Variants in XXYLT1 observed in about 807,000 individuals in gnomAD.
XXYLT1 encodes xyloside xylosyltransferase 1, also known as UDP-xylose:alpha-xyloside alpha-1,3-xylosyltransferase.
In XXYLT1, 20 loss-of-function variants were observed where a neutral mutation model predicts 28.9. The ratio of observed to expected loss-of-function variants is 0.69; its 90% CI spans 0.49 to 1.00. XXYLT1 has a LOEUF of 1.00. Among genes scored for constraint, XXYLT1 ranks in the 50% least tolerant of loss-of-function variants. XXYLT1 has a pLI of 0.00. For synonymous variants in XXYLT1, 257 were observed against 253.8 expected (o/e 1.01, Z -0.12); for missense variants, 542 against 560.1 (o/e 0.97, Z 0.33).
chr3:195,225,957 CCT>C (rs757383651), intron 2 of XXYLT1, among the ~76,000 whole-genome samples: 6 of 152,190 alleles, frequency 3.9e-5, no homozygotes, highest in Non-Finnish European at 8.8e-5. Context: ...GTCTATTAAA[CCT>C]CTTTCCTTTA....
intron 2 of XXYLT1, among the ~76,000 whole-genome samples, chr3:195,204,216 G>A (rs1381184875): frequency 1.3e-5 from 2 of 151,888 alleles, no homozygotes; most frequent in Non-Finnish European, 2.9e-5. Flanking sequence ...GGTGGCAGAC[G>A]CCTGTAGTCC....
chr3:195,235,986 T>C (rs1489734150), intron 1 of XXYLT1, among the ~76,000 whole-genome samples: 1 of 151,732 alleles, frequency 6.6e-6, no homozygotes, highest in Non-Finnish European at 1.5e-5. Flanking sequence ...TGCCTGGAGA[T>C]TGGGGAGGGG....
At chr3:195,110,254 A>G (rs1263946260) in intron 3 of XXYLT1, among the ~76,000 whole-genome samples, 10 of 1,828 alleles carry the variant, frequency 5.5e-3, no homozygotes, top group East Asian at 0.011. Flanking sequence ...GTGTGGGTGA[A>G]GTGTGTGTGG....
intron 1 of XXYLT1, among the ~76,000 whole-genome samples, chr3:195,258,957 G>C (rs1725578812): frequency 6.6e-6 from 1 of 152,264 alleles, no homozygotes; most frequent in African/African-American, 2.4e-5. Context: ...TCAGCATGGT[G>C]AATAAACAGG....
chr3:195,101,831 G>C (rs1338874896), intron 3 of XXYLT1, among the ~76,000 whole-genome samples: 1 of 149,112 alleles, frequency 6.7e-6, no homozygotes, highest in Admixed American at 6.7e-5. Flanking sequence ...AGGGAGGGGA[G>C]GGGAGGAGAG....
At chr3:195,246,942 A>G (rs541938444) in intron 1 of XXYLT1, among the ~76,000 whole-genome samples, 1 of 152,324 alleles carries the variant, frequency 6.6e-6, no homozygotes, top group Admixed American at 6.5e-5. Context: ...CTCCACAGAG[A>G]AACATTACAA....
intron 3 of XXYLT1, among the ~76,000 whole-genome samples, chr3:195,108,925 T>C (rs1717300348): frequency 6.6e-6 from 1 of 152,218 alleles, no homozygotes; most frequent in African/African-American, 2.4e-5. Context: ...ACACAGTGGC[T>C]AGAAATAATA....
At position 195,213,951 on chromosome 3, in the gene XXYLT1, A is replaced by C. The variant is rs1382473610; in HGVS notation, c.652+12758T>G. On this transcript the variant is annotated intron_variant, in intron 2 of 3. Transcript: ENST00000310380. ...AGGGGTTTAGGCAATACCAGATGTG[A>C]TTTTGGTTTCTGAAAGCAAAACATT... 2.0e-5 allele frequency among the ~76,000 whole-genome samples: 3 copies of C among 152,162 alleles called. No individual in the cohort carries two copies. The East Asian group carries it at 5.8e-4, about 29-fold the overall frequency.
intron 1 of XXYLT1, among the ~76,000 whole-genome samples, chr3:195,247,116 G>A (rs775092338): frequency 7.2e-5 from 11 of 152,286 alleles, no homozygotes; most frequent in African/African-American, 2.6e-4. Context: ...TTTCCGGACA[G>A]TAGAAGCCGT....
In XXYLT1 at chr3:195,076,088, C is replaced by G. The variant is rs571571018; in HGVS notation, c.786-5977G>C. On this transcript the variant is annotated intron_variant, in intron 3 of 3. Coordinates refer to ENST00000310380, the MANE Select transcript of XXYLT1 (RefSeq NM_152531.5). The surrounding 1 kb of genome is among the most constrained non-coding windows in gnomAD (Gnocchi z 5.3). ...CCACGGCCTCCGCCTCCTGGAGCCT[C>G]TCCCCGCACGCTGGAGGCTGCCAGG... 6.6e-6 allele frequency among the ~76,000 whole-genome samples: 1 copy of G among 152,358 alleles called. No homozygotes were observed. The highest frequency in any genetic ancestry group is 1.9e-4 in the East Asian group (1 of 5,178).
chr3:195,221,141 T>C (rs1254276918), intron 2 of XXYLT1, among the ~76,000 whole-genome samples: 1 of 152,114 alleles, frequency 6.6e-6, no homozygotes, highest in Non-Finnish European at 1.5e-5. Flanking sequence ...TAAATCCTAA[T>C]TGGGAAACAC....
chr3:195,143,665 G>A (rs1245737031), intron 3 of XXYLT1, among the ~76,000 whole-genome samples: 1 of 150,626 alleles, frequency 6.6e-6, no homozygotes, highest in Non-Finnish European at 1.5e-5. Context: ...AAATTAAACT[G>A]CTGCAGGCTG....
chr3:195,164,656 T>C (rs758292182), intron 2 of XXYLT1, among the ~76,000 whole-genome samples: 1 of 152,246 alleles, frequency 6.6e-6, no homozygotes, highest in Non-Finnish European at 1.5e-5. Context: ...CAGAGAGTTC[T>C]GTGAGCAGGA....
chr3:195,151,624 C>T (rs1055176752), intron 3 of XXYLT1, among the ~76,000 whole-genome samples: 5 of 151,506 alleles, frequency 3.3e-5, no homozygotes, highest in Non-Finnish European at 5.9e-5. Flanking sequence ...AAACAATAAA[C>T]AATTATTTAG....
At chr3:195,184,135 C>G (rs150597422) in intron 2 of XXYLT1, among the ~76,000 whole-genome samples, 2 of 152,302 alleles carry the variant, frequency 1.3e-5, no homozygotes, top group African/African-American at 4.8e-5. Context: ...GCAAAGACAA[C>G]CATCAGAGCA....
chr3:195,112,758 C>A (rs1019320826), intron 3 of XXYLT1, among the ~76,000 whole-genome samples: 1 of 123,464 alleles, frequency 8.1e-6, no homozygotes, highest in African/African-American at 2.7e-5. Flanking sequence ...AAGCAGTGCG[C>A]GCATGCACAC....
chr3:195,102,325 T>G (rs1248425157), intron 3 of XXYLT1, among the ~76,000 whole-genome samples: 1 of 152,130 alleles, frequency 6.6e-6, no homozygotes, highest in Admixed American at 6.5e-5. Flanking sequence ...GCAAAATTCA[T>G]GAATACGATA....
chr3:195,244,423 G>A (rs1424096782), intron 1 of XXYLT1, among the ~76,000 whole-genome samples: 4 of 152,162 alleles, frequency 2.6e-5, no homozygotes, highest in Non-Finnish European at 5.9e-5. Context: ...TGAGCACAGA[G>A]ATTCTGAGTC....
chr3:195,184,503 T>C (rs1456678751), intron 2 of XXYLT1: 2 of 578,740 alleles, frequency 3.5e-6, no homozygotes, highest in African/African-American at 4.1e-5. Flanking sequence ...ACTCACCTTG[T>C]TGGCTGACAC....
Sources: allele counts gnomAD v4.1 joint callset (sites outside exome capture counted in the v4.1 genomes callset), GRCh38; gene constraint gnomAD v4.1.1; non-coding constraint Gnocchi (gnomAD v3.1); transcripts MANE v1.5; gene names NCBI Gene and HGNC (gene_info 2026-07-23, HGNC 2026-07-21).